The following EYS variants were observed in gnomAD, a reference collection of about 807,000 sequenced individuals.
The protein encoded by EYS is protein eyes shut homolog.
A neutral mutation model predicts 282.1 loss-of-function variants in EYS; 250 were observed. The observed-to-expected ratio is 0.89, with a 90% CI of 0.80 to 0.98. The LOEUF (loss-of-function observed/expected upper bound fraction) is 0.98, where lower values mean the gene tolerates loss of function less well. EYS is among the 50% of genes least tolerant of loss of function. The probability of loss-of-function intolerance (pLI) is 0.00; values close to 1 mark genes in which losing one functional copy is unlikely to be tolerated. For synonymous variants in EYS, 1,355 were observed against 1,282.9 expected (o/e 1.06, Z -1.20); for missense variants, 4,016 against 3,709.0 (o/e 1.08, Z -2.15).
intron 30 of EYS, among the ~76,000 whole-genome samples, chr6:64,272,139 A>G (rs1294474505): frequency 6.6e-6 from 1 of 152,152 alleles, no homozygotes; most frequent in Admixed American, 6.6e-5. Context: ...AAAGATATAG[A>G]AACCCATAGG....
chr6:65,170,255 A>T (rs1441416406), intron 12 of EYS, among the ~76,000 whole-genome samples: 1 of 151,292 alleles, frequency 6.6e-6, no homozygotes, highest in Non-Finnish European at 1.5e-5. Flanking sequence ...CAGAGAGAGG[A>T]GAGAAAGAAA....
intron 22 of EYS, among the ~76,000 whole-genome samples, chr6:64,649,908 G>A (rs1271707442): frequency 6.6e-6 from 1 of 151,984 alleles, no homozygotes; most frequent in Non-Finnish European, 1.5e-5. Context: ...TATTTTGTGA[G>A]GGTACCATGG....
At chr6:65,589,684 A>T (rs1179149153) in intron 2 of EYS, among the ~76,000 whole-genome samples, 1 of 152,040 alleles carries the variant, frequency 6.6e-6, no homozygotes, top group East Asian at 1.9e-4. Flanking sequence ...TAGATTGTAT[A>T]CTTAAAAAAA....
intron 33 of EYS, among the ~76,000 whole-genome samples, chr6:64,059,353 T>A (rs898917114): frequency 6.6e-6 from 1 of 152,158 alleles, no homozygotes. Context: ...ATTGCCATTC[T>A]GTTTTGACAA....
intron 28 of EYS, among the ~76,000 whole-genome samples, chr6:64,393,897 C>A (rs926101801): frequency 2.6e-5 from 4 of 151,736 alleles, no homozygotes; most frequent in Non-Finnish European, 4.4e-5. Flanking sequence ...TGTCTCAGCC[C>A]AAAATCTCCT....
chr6:64,867,116 G>A (rs140534364), intron 19 of EYS, among the ~76,000 whole-genome samples: 141 of 151,774 alleles, frequency 9.3e-4, no homozygotes, highest in African/African-American at 3.3e-3. Context: ...ATTAAATCCA[G>A]ATATTTAATT....
intron 35 of EYS, among the ~76,000 whole-genome samples, chr6:63,889,670 C>T (rs780059139): frequency 6.6e-6 from 1 of 151,840 alleles, no homozygotes; most frequent in Non-Finnish European, 1.5e-5. Flanking sequence ...CAGAAACAAA[C>T]CAAAATGTAA....
At chr6:63,807,180 A>G (rs867685916) in intron 36 of EYS, among the ~76,000 whole-genome samples, 27 of 152,192 alleles carry the variant, frequency 1.8e-4, no homozygotes, top group African/African-American at 6.3e-4. Flanking sequence ...AAAGAGGACA[A>G]CAGAAAATAG....
chr6:64,266,903 G>GTGAGCACTAAAGCTATCA (rs1767778983), intron 30 of EYS, among the ~76,000 whole-genome samples: 1 of 152,072 alleles, frequency 6.6e-6, no homozygotes, highest in African/African-American at 2.4e-5. Flanking sequence ...ACTGCAAATA[G>GTGAGCACTAAAGCTATCA]TGAGCACTAA....
chr6:64,702,179 G>A (rs985207730), intron 22 of EYS, among the ~76,000 whole-genome samples: 3 of 151,884 alleles, frequency 2.0e-5, no homozygotes, highest in African/African-American at 7.2e-5. Context: ...AAAGAAAAGC[G>A]TGTCTATGAA....
intron 29 of EYS, among the ~76,000 whole-genome samples, chr6:64,376,016 T>TA (rs770504325): frequency 1.3e-5 from 2 of 152,038 alleles, no homozygotes; most frequent in East Asian, 1.9e-4. Context: ...TGCTATTCCA[T>TA]AAAAAAATTG....
At position 65,599,386 on chromosome 6, in the gene EYS, T is replaced by A. The variant is rs536075233; in HGVS notation, c.-333+40392A>T. Among the ~76,000 whole-genome samples the A allele has an allele frequency of 6.6e-4, 101 of 152,198 alleles. 1 individual carries two copies. In the South Asian group the frequency reaches 0.014, roughly 22 times the overall value. On this transcript the variant is annotated intron_variant, in intron 2 of 42. Coordinates refer to ENST00000503581, the MANE Select transcript of EYS (RefSeq NM_001142800.2). ...ATGTGAGTTTGGGCCCACATTTATC[T>A]CTATTGGCTGATCCAGAAGATTCAC...
At chr6:64,677,301 C>G (rs893718233) in intron 22 of EYS, among the ~76,000 whole-genome samples, 1 of 152,086 alleles carries the variant, frequency 6.6e-6, no homozygotes, top group Non-Finnish European at 1.5e-5. Context: ...CTCTCTCTCT[C>G]TTAATTTAAA....
chr6:64,083,326 T>C (rs911022127), intron 31 of EYS, among the ~76,000 whole-genome samples: 1 of 152,208 alleles, frequency 6.6e-6, no homozygotes. Context: ...GAGAAACTAA[T>C]ATCCAGTCTA....
chr6:64,409,986 T>G (rs1773834163), intron 28 of EYS, among the ~76,000 whole-genome samples: 1 of 152,118 alleles, frequency 6.6e-6, no homozygotes, highest in African/African-American at 2.4e-5. Flanking sequence ...GCACTACCTT[T>G]AAAAGTAACT....
At chr6:64,987,465 A>T (rs2150120281) in intron 14 of EYS, among the ~76,000 whole-genome samples, 1 of 151,658 alleles carries the variant, frequency 6.6e-6, no homozygotes, top group African/African-American at 2.4e-5. Flanking sequence ...GCAGTTTATA[A>T]CTGGCACAGG....
rs140818053 is a variant in EYS, at chr6:65,102,147, A to G, written c.2024-44420T>C. ...ATAGAAAAAACTATCTTTGAAACAT[A>G]GCAGTACAATTAGACTTAAGCAAAT... On this transcript the variant is annotated intron_variant, in intron 12 of 42. Coordinates refer to ENST00000503581, the MANE Select transcript of EYS (RefSeq NM_001142800.2). 7.5e-3 allele frequency among the ~76,000 whole-genome samples: 1,132 copies of G among 151,516 alleles called. 22 individuals carry two copies. Among genetic ancestry groups the G allele is most frequent in the African/African-American group, 0.024 (1,014 of 41,494 alleles).
chr6:64,160,119 T>A (rs2150300486), intron 31 of EYS, among the ~76,000 whole-genome samples: 1 of 152,288 alleles, frequency 6.6e-6, no homozygotes, highest in South Asian at 2.1e-4. Context: ...GAAAAATGAC[T>A]TCCAATCATT....
chr6:65,570,132 T>TA (rs889811636), intron 2 of EYS, among the ~76,000 whole-genome samples: 1 of 82,960 alleles, frequency 1.2e-5, no homozygotes, highest in Non-Finnish European at 2.9e-5. Context: ...AAAAATAAAA[T>TA]AAAAAAAAGT....
Sources: allele counts gnomAD v4.1 joint callset (sites outside exome capture counted in the v4.1 genomes callset), GRCh38; gene constraint gnomAD v4.1.1; transcripts MANE v1.5; gene names NCBI Gene and HGNC (gene_info 2026-07-23, HGNC 2026-07-21).